GLRA2: variants seen among roughly 807,000 people sequenced by gnomAD.
GLRA2 encodes the protein glycine receptor alpha 2.
Under a neutral mutation model 31.6 loss-of-function variants are expected in GLRA2, and 11 were observed. That is an observed-to-expected ratio of 0.35 (90% confidence interval 0.22 to 0.58). The LOEUF is 0.58. Among genes scored for constraint, GLRA2 ranks in the 20% least tolerant of loss-of-function variants. The pLI is 0.84. For missense variants in GLRA2, 212 were observed against 351.8 expected (o/e 0.60, Z 3.18); for synonymous variants, 132 against 134.0 (o/e 0.99, Z 0.10).
At chrX:14,461,521 G>T in the GLRA2 span, among the ~76,000 whole-genome samples, 9 of 111,733 alleles carry the variant, frequency 8.1e-5, no homozygotes, top group Non-Finnish European at 3.8e-5. Flanking sequence ...GCTTTATGAA[G>T]CTGGGTGCTC....
At chrX:14,542,211 A>G (rs1347114407) in intron 2 of GLRA2, among the ~76,000 whole-genome samples, 1 of 112,188 alleles carries the variant, frequency 8.9e-6, no homozygotes, top group African/African-American at 3.2e-5. Flanking sequence ...TAGGAGCTTT[A>G]TGTTGAACAG....
At chrX:14,595,171 A>G (rs1258434378) in intron 4 of GLRA2, among the ~76,000 whole-genome samples, 1 of 111,366 alleles carries the variant, frequency 9.0e-6, no homozygotes, top group African/African-American at 3.3e-5. Context: ...GGAGATATCA[A>G]TAGGGAATCT....
At chrX:14,707,799 T>C (rs970469437) in intron 8 of GLRA2, among the ~76,000 whole-genome samples, 1 of 110,773 alleles carries the variant, frequency 9.0e-6, no homozygotes, top group Non-Finnish European at 1.9e-5. Context: ...GCATGCACTG[T>C]TAGATGACAG....
intron 7 of GLRA2, among the ~76,000 whole-genome samples, chrX:14,676,323 A>G (rs2091145634): frequency 8.9e-6 from 1 of 112,899 alleles, no homozygotes; most frequent in Non-Finnish European, 1.9e-5. Flanking sequence ...GATATGAGGA[A>G]TCATTCCACT....
chrX:14,702,010 G>C (rs2091549081), intron 8 of GLRA2, among the ~76,000 whole-genome samples: 1 of 112,197 alleles, frequency 8.9e-6, no homozygotes, highest in Admixed American at 9.5e-5. Context: ...TTCTCCACTT[G>C]GTAGTGCCAG....
At chrX:14,700,957 T>C (rs1297733737) in intron 8 of GLRA2, among the ~76,000 whole-genome samples, 1 of 110,129 alleles carries the variant, frequency 9.1e-6, no homozygotes, top group Non-Finnish European at 1.9e-5. Flanking sequence ...GTAGAAGGTA[T>C]TCCTTCTGAT....
the GLRA2 span, among the ~76,000 whole-genome samples, chrX:14,504,357 A>G: frequency 5.0e-4 from 56 of 112,267 alleles, no homozygotes; most frequent in Non-Finnish European, 6.2e-4. Context: ...TCTGAGTGCC[A>G]TCACTGTGGT....
chrX:14,720,276 T>C (rs953232403), intron 8 of GLRA2, among the ~76,000 whole-genome samples: 4 of 111,900 alleles, frequency 3.6e-5, no homozygotes, highest in African/African-American at 1.3e-4. Flanking sequence ...TACACGTGTA[T>C]TGAAATACCA....
intron 8 of GLRA2, among the ~76,000 whole-genome samples, chrX:14,699,173 T>C (rs1408946167): frequency 8.9e-6 from 1 of 112,212 alleles, no homozygotes; most frequent in Non-Finnish European, 1.9e-5. Flanking sequence ...TTATCGCCTC[T>C]GCTCCAATAA....
At chrX:14,719,631 G>A (rs1037485815) in intron 8 of GLRA2, among the ~76,000 whole-genome samples, 6 of 111,777 alleles carry the variant, frequency 5.4e-5, no homozygotes, top group Non-Finnish European at 7.5e-5. Context: ...CAGCCATTAT[G>A]GAAAACAGTA....
chrX:14,593,208 A>C (rs1466219500), intron 4 of GLRA2, among the ~76,000 whole-genome samples: 2 of 111,263 alleles, frequency 1.8e-5, no homozygotes, highest in Non-Finnish European at 3.8e-5. Context: ...TTTAAAATGG[A>C]AAAAAAAATG....
rs1007859175 is a variant in GLRA2 at position 14,636,869 on chromosome X, C to T, written c.930+27664C>T. Among the ~76,000 whole-genome samples, 3 of 111,772 alleles carry T rather than the reference C, an allele frequency of 2.7e-5. No individual in the cohort carries two copies. The Admixed American group carries it at 2.8e-4, about 11-fold the overall frequency. ...ATATTTGAAAGCAACTGAAATGTCT[C>T]AGAATCTAAGAATGGATGTGTGCTT... On this transcript the variant is annotated intron_variant, in intron 7 of 8. Transcript: ENST00000218075.
chrX:14,499,872 TA>T, the GLRA2 span, among the ~76,000 whole-genome samples: 2 of 110,312 alleles, frequency 1.8e-5, no homozygotes, highest in African/African-American at 6.6e-5. Context: ...GATTTTTTTT[TA>T]AAAAAATTTA....
intron 8 of GLRA2, among the ~76,000 whole-genome samples, chrX:14,725,393 G>A (rs1391195657): frequency 9.0e-6 from 1 of 110,778 alleles, no homozygotes; most frequent in Non-Finnish European, 1.9e-5. Context: ...GACACATATT[G>A]CTTCCTAAGA....
chrX:14,464,823 G>A, the GLRA2 span, among the ~76,000 whole-genome samples: 1 of 111,970 alleles, frequency 8.9e-6, no homozygotes, highest in Non-Finnish European at 1.9e-5. Context: ...CCAAAGTGCT[G>A]AGATTACAGG....
At chrX:14,662,098 A>G (rs1225702062) in intron 7 of GLRA2, among the ~76,000 whole-genome samples, 1 of 110,402 alleles carries the variant, frequency 9.1e-6, no homozygotes, top group Non-Finnish European at 1.9e-5. Flanking sequence ...ATAGTTTGGT[A>G]GATAGAACTG....
intron 2 of GLRA2, among the ~76,000 whole-genome samples, chrX:14,557,306 G>A (rs1002955680): frequency 1.8e-5 from 2 of 108,583 alleles, no homozygotes; most frequent in African/African-American, 6.7e-5. Flanking sequence ...TAGTAGAGAT[G>A]GGGTTTCACC....
At chrX:14,464,321 A>G in the GLRA2 span, among the ~76,000 whole-genome samples, 1 of 111,721 alleles carries the variant, frequency 9.0e-6, no homozygotes, top group Non-Finnish European at 1.9e-5. Context: ...TGGGTCTTAC[A>G]TTTAAGTCTT....
chrX:14,703,771 A>G (rs12840657), intron 8 of GLRA2, among the ~76,000 whole-genome samples: 11,662 of 111,227 alleles, frequency 0.1, 902 homozygotes, highest in African/African-American at 0.26. Flanking sequence ...CCAAATACCA[A>G]GCTTCCTCAA....
Sources: allele counts gnomAD v4.1 joint callset (sites outside exome capture counted in the v4.1 genomes callset), GRCh38; gene constraint gnomAD v4.1.1; transcripts MANE v1.5; gene names NCBI Gene and HGNC (gene_info 2026-07-23, HGNC 2026-07-21).